The following NRG3 variants were observed in gnomAD, a reference collection of about 807,000 sequenced individuals.
NRG3 encodes pro-neuregulin-3, membrane-bound isoform.
In NRG3, 31 loss-of-function variants were observed where a neutral mutation model predicts 66.9. The observed-to-expected ratio is 0.46, with a 90% confidence interval of 0.35 to 0.63. The LOEUF is 0.63. Among genes scored for constraint, NRG3 ranks in the 20% least tolerant of loss-of-function variants. NRG3 has a pLI of 0.00. For missense variants in NRG3, 910 were observed against 878.9 expected (o/e 1.04, Z -0.45); for synonymous variants, 393 against 359.4 (o/e 1.09, Z -1.06).
At chr10:82,804,167 A>G (rs916727748) in intron 3 of NRG3, among the ~76,000 whole-genome samples, 6 of 152,146 alleles carry the variant, frequency 3.9e-5, no homozygotes, top group African/African-American at 9.7e-5. Context: ...GTCAATTTGC[A>G]CCCGCCAAAG....
intron 1 of NRG3, among the ~76,000 whole-genome samples, chr10:82,189,844 T>A (rs962542325): frequency 1.3e-5 from 2 of 151,920 alleles, no homozygotes; most frequent in African/African-American, 4.8e-5. Flanking sequence ...GCACCTGTAA[T>A]CCCAGCTTCT....
intron 2 of NRG3, among the ~76,000 whole-genome samples, chr10:82,367,441 G>A (rs910784827): frequency 6.6e-6 from 1 of 152,026 alleles, no homozygotes; most frequent in Non-Finnish European, 1.5e-5. Context: ...ATAGCACTTA[G>A]AACTTTATCA....
chr10:82,729,556 G>T (rs1263938000), intron 2 of NRG3, among the ~76,000 whole-genome samples: 1 of 152,152 alleles, frequency 6.6e-6, no homozygotes, highest in Non-Finnish European at 1.5e-5. Context: ...TGTACAGGGT[G>T]TTCATGCCCA....
rs980262388 is a variant in NRG3, at chr10:81,968,539, T to C, written c.823+92376T>C. Among the ~76,000 whole-genome samples the C allele has an allele frequency of 7.9e-5, 12 of 152,318 alleles. No individual in the cohort carries two copies. In the South Asian group the frequency reaches 1.2e-3, roughly 16 times the overall value. On this transcript the variant is annotated intron_variant, in intron 1 of 8. Transcript: ENST00000372141. ...GGCACCCCTCTTCCAGCTGCCGTGT[T>C]TTGGCAGGAACTCTGAGAATGCTTG...
chr10:81,902,831 C>A (rs539981424), intron 1 of NRG3, among the ~76,000 whole-genome samples: 2 of 152,128 alleles, frequency 1.3e-5, no homozygotes, highest in Non-Finnish European at 2.9e-5. Context: ...GGCACTGGAG[C>A]GAATTTTATG....
At chr10:82,219,238 G>T (rs1013743993) in intron 1 of NRG3, among the ~76,000 whole-genome samples, 13 of 144,474 alleles carry the variant, frequency 9.0e-5, no homozygotes, top group Non-Finnish European at 1.3e-4. Context: ...GGTGTGGGCC[G>T]CCCTGGCATT....
At chr10:82,623,627 A>T (rs753998192) in intron 2 of NRG3, among the ~76,000 whole-genome samples, 10 of 152,198 alleles carry the variant, frequency 6.6e-5, no homozygotes, top group Non-Finnish European at 1.2e-4. Flanking sequence ...GAGACAGAAA[A>T]GCCTAGCACC....
chr10:82,031,169 A>T (rs75614410), intron 1 of NRG3, among the ~76,000 whole-genome samples: 1 of 152,242 alleles, frequency 6.6e-6, no homozygotes, highest in East Asian at 1.9e-4. Context: ...GTGCTCTTTA[A>T]TGTCACATTA....
intron 1 of NRG3, among the ~76,000 whole-genome samples, chr10:82,018,102 A>C (rs559787724): frequency 1.2e-3 from 182 of 152,152 alleles, no homozygotes; most frequent in African/African-American, 4.3e-3. Flanking sequence ...ATCTTGAATT[A>C]ATTTTTGTGT....
intron 1 of NRG3, among the ~76,000 whole-genome samples, chr10:82,160,653 T>G (rs1306556858): frequency 2.0e-5 from 3 of 152,010 alleles, no homozygotes; most frequent in African/African-American, 7.2e-5. Flanking sequence ...ACAAGAACCC[T>G]ATCAATTTGA....
intron 2 of NRG3, among the ~76,000 whole-genome samples, chr10:82,576,018 A>T (rs1326563694): frequency 6.6e-6 from 1 of 151,776 alleles, no homozygotes; most frequent in Non-Finnish European, 1.5e-5. Flanking sequence ...ACAAAGTGAC[A>T]CATGAGATTA....
intron 1 of NRG3, among the ~76,000 whole-genome samples, chr10:81,939,923 T>A (rs779864303): frequency 6.6e-6 from 1 of 152,050 alleles, no homozygotes; most frequent in Non-Finnish European, 1.5e-5. Context: ...CAAACTTCTT[T>A]TATATTAATG....
chr10:82,841,368 C>T (rs763328374), intron 3 of NRG3, among the ~76,000 whole-genome samples: 2 of 152,126 alleles, frequency 1.3e-5, no homozygotes, highest in East Asian at 1.9e-4. Context: ...TACCAAAATG[C>T]GTATCAGCGT....
chr10:82,460,305 C>T (rs1166671414), intron 2 of NRG3, among the ~76,000 whole-genome samples: 1 of 152,178 alleles, frequency 6.6e-6, no homozygotes, highest in East Asian at 1.9e-4. Flanking sequence ...TTTGCTTTGA[C>T]TTCCCTTAGG....
rs754643270 is a variant in NRG3, at chr10:82,199,172, G to GAAA, written c.824-159555_824-159553dup. Among the ~76,000 whole-genome samples, 27 of 106,572 alleles carry GAAA rather than the reference G, an allele frequency of 2.5e-4. 1 individual carries two copies. Among genetic ancestry groups the GAAA allele is most frequent in the Admixed American group, 1.1e-3 (12 of 10,658 alleles). 69.9% of individuals were successfully genotyped at this position (106,572 alleles called of 152,430 possible). On this transcript the variant is annotated intron_variant, in intron 1 of 8. Coordinates refer to ENST00000372141, the MANE Select transcript of NRG3 (RefSeq NM_001010848.4). Reference sequence around the variant, plus strand: ...GGGTGACAGAGTGAGACTCTGTCCGGAAAAAAAAAAAAAAGAAAAGAAAAA... The same window carrying GAAA: ...GGGTGACAGAGTGAGACTCTGTCCGGAAAAAAAAAAAAAAAAAGAAAAGAAAAA...
At chr10:82,752,293 T>C (rs985278589) in intron 3 of NRG3, among the ~76,000 whole-genome samples, 6 of 152,204 alleles carry the variant, frequency 3.9e-5, no homozygotes, top group Non-Finnish European at 8.8e-5. Context: ...CAATAAAATG[T>C]ATTCTACCCT....
intron 4 of NRG3, among the ~76,000 whole-genome samples, chr10:82,904,369 A>G (rs1414732820): frequency 6.6e-6 from 1 of 152,182 alleles, no homozygotes; most frequent in Admixed American, 6.5e-5. Context: ...TTAATGTGTC[A>G]TGGATACTCA....
intron 2 of NRG3, among the ~76,000 whole-genome samples, chr10:82,378,590 T>C (rs1032154277): frequency 2.6e-5 from 4 of 152,026 alleles, no homozygotes; most frequent in African/African-American, 9.7e-5. Flanking sequence ...TCTTTCTTTT[T>C]GACAGAGTTT....
At chr10:82,448,049 T>G (rs543476191) in intron 2 of NRG3, among the ~76,000 whole-genome samples, 1 of 152,292 alleles carries the variant, frequency 6.6e-6, no homozygotes, top group East Asian at 1.9e-4. Context: ...TAGTCCCAAA[T>G]AGAGGAAGCA....
Sources: allele counts gnomAD v4.1 joint callset (sites outside exome capture counted in the v4.1 genomes callset), GRCh38; gene constraint gnomAD v4.1.1; transcripts MANE v1.5; gene names NCBI Gene and HGNC (gene_info 2026-07-23, HGNC 2026-07-21).